Variants in ACER3 observed in about 807,000 individuals in gnomAD.
The protein encoded by ACER3 is alkaline ceramidase 3, also known as alkCDase 3.
ACER3 carries 16 observed loss-of-function variants against 48.9 expected under a neutral mutation model. That is an observed-to-expected ratio of 0.33 (90% CI 0.22 to 0.50). The LOEUF is 0.50. Ranked by LOEUF, ACER3 falls within the 20% of genes least tolerant of loss-of-function variation. ACER3 has a pLI of 0.98. For synonymous variants in ACER3, 109 were observed against 107.8 expected (o/e 1.01, Z -0.07); for missense variants, 227 against 326.0 (o/e 0.70, Z 2.34).
intron 4 of ACER3, among the ~76,000 whole-genome samples, chr11:76,976,727 T>G (rs1176571388): frequency 6.6e-6 from 1 of 152,228 alleles, no homozygotes; most frequent in Non-Finnish European, 1.5e-5. Flanking sequence ...ACACTTCTAG[T>G]TGTATAGTGA....
At chr11:76,995,916 G>A (rs1231199912) in intron 6 of ACER3, among the ~76,000 whole-genome samples, 1 of 152,098 alleles carries the variant, frequency 6.6e-6, no homozygotes, top group Non-Finnish European at 1.5e-5. Context: ...TGTTTCTTCA[G>A]CTGTGATTTT....
rs754819712 is a variant in ACER3, at chr11:76,960,859, TG to T, written c.267+1835del. On this transcript the variant is annotated intron_variant, in intron 3 of 10. Transcript: ENST00000532485. ...GAATAAGAAGGGTGTCCTCCCAAGT[TG>T]GGGGGGTCATTTGACATGCGGTTGG... Among the ~76,000 whole-genome samples the T allele has an allele frequency of 2.6e-5, 4 of 151,822 alleles. No homozygotes were observed. The South Asian group carries it at 6.3e-4, about 24-fold the overall frequency.
At chr11:76,883,479 C>T (rs1259413118) in intron 1 of ACER3, among the ~76,000 whole-genome samples, 1 of 117,496 alleles carries the variant, frequency 8.5e-6, no homozygotes, top group African/African-American at 3.1e-5. Flanking sequence ...CTCACTCTGT[C>T]GCCCAGGCTG....
In ACER3 at chr11:76,926,653, A is replaced by G. The variant is rs1403611865; in HGVS notation, c.200A>G (p.Tyr67Cys). Residue 67 changes from tyrosine to cysteine, a missense_variant, in exon 2 of 11, where the codon TAT becomes TGT. Transcript: ENST00000532485. ...DGLEKRYIAS[Y>C]LALTVVGMGS... ...CTGGAAAAGCGGTACATTGCTTCTT[A>G]TTTAGCACTCACAGGTATGTATAAC... is the stretch of plus-strand genomic sequence containing the variant. 1.9e-6 allele frequency: 3 copies of G among 1,585,072 alleles called. No individual in the cohort carries two copies. Among genetic ancestry groups the G allele is most frequent in the Non-Finnish European group, 2.6e-6 (3 of 1,153,578 alleles).
intron 7 of ACER3, among the ~76,000 whole-genome samples, chr11:77,005,610 T>G (rs1555020727): frequency 6.6e-6 from 1 of 152,068 alleles, no homozygotes; most frequent in African/African-American, 2.4e-5. Context: ...CCTCTCTTCC[T>G]AGCTTCTAGT....
At chr11:76,964,628 G>C (rs1239099964) in intron 3 of ACER3, among the ~76,000 whole-genome samples, 1 of 151,252 alleles carries the variant, frequency 6.6e-6, no homozygotes, top group Admixed American at 6.6e-5. Context: ...CCAGAGGAAT[G>C]ATGAGGCAGC....
chr11:76,930,189 C>G (rs1946956420), intron 2 of ACER3, among the ~76,000 whole-genome samples: 1 of 152,142 alleles, frequency 6.6e-6, no homozygotes, highest in South Asian at 2.1e-4. Context: ...CTGGTTTAGT[C>G]TTGGGAGAGT....
At chr11:77,001,162 C>G (rs1333018478) in intron 7 of ACER3, among the ~76,000 whole-genome samples, 3 of 152,118 alleles carry the variant, frequency 2.0e-5, no homozygotes, top group Non-Finnish European at 4.4e-5. Flanking sequence ...ATGTTCATTG[C>G]TATTATATAG....
chr11:76,982,230 T>G (rs1360189348), intron 4 of ACER3, among the ~76,000 whole-genome samples: 7 of 150,616 alleles, frequency 4.6e-5, no homozygotes, highest in African/African-American at 1.7e-4. Flanking sequence ...TTTTTTTTTT[T>G]TTTTTGAGAC....
At chr11:76,941,033 ACACACACG>A (rs767664010) in intron 2 of ACER3, among the ~76,000 whole-genome samples, 281 of 135,914 alleles carry the variant, frequency 2.1e-3, no homozygotes, top group African/African-American at 6.3e-3. Context: ...ACACACACAC[ACACACACG>A]CACACACACA....
In ACER3 at chr11:76,964,584, T is replaced by C. The variant is rs1948086662; in HGVS notation, c.267+5553T>C. 1.3e-5 allele frequency among the ~76,000 whole-genome samples: 2 copies of C among 151,188 alleles called. 1 individual carries two copies. Among genetic ancestry groups the C allele is most frequent in the African/African-American group, 4.9e-5 (2 of 40,558 alleles). ...CCCCCAGTAGGGGTGGACTGACACC[T>C]CACACGGCTGGGTACTCTTCTGAGA... On this transcript the variant is annotated intron_variant, in intron 3 of 10. Coordinates refer to ENST00000532485, the MANE Select transcript of ACER3 (RefSeq NM_018367.7).
intron 1 of ACER3, among the ~76,000 whole-genome samples, chr11:76,882,035 C>T (rs1285614783): frequency 1.4e-5 from 2 of 140,194 alleles, no homozygotes; most frequent in African/African-American, 2.7e-5. Flanking sequence ...GATGGAGTCT[C>T]GCTCTGTTGT....
intron 2 of ACER3, among the ~76,000 whole-genome samples, chr11:76,949,903 C>T (rs932043684): frequency 6.6e-6 from 1 of 152,112 alleles, no homozygotes; most frequent in Non-Finnish European, 1.5e-5. Flanking sequence ...GTTCGTCTTC[C>T]GTAACTCTCC....
chr11:76,950,147 C>G (rs1947602873), intron 2 of ACER3, among the ~76,000 whole-genome samples: 2 of 151,496 alleles, frequency 1.3e-5, no homozygotes, highest in South Asian at 4.2e-4. Context: ...TTTAGTGCAC[C>G]ATATTGTAAT....
chr11:76,953,454 T>C (rs1017840212), intron 2 of ACER3, among the ~76,000 whole-genome samples: 1 of 151,924 alleles, frequency 6.6e-6, no homozygotes, highest in African/African-American at 2.4e-5. Context: ...AAAAATTAGC[T>C]GGGCATGGTG....
intron 5 of ACER3, among the ~76,000 whole-genome samples, chr11:76,987,935 G>A (rs117466270): frequency 0.012 from 1,767 of 152,256 alleles, 15 homozygotes; most frequent in Non-Finnish European, 0.02. Context: ...GTGAGGCCCT[G>A]TCTCAAAACA....
intron 3 of ACER3, among the ~76,000 whole-genome samples, chr11:76,974,015 T>C (rs1295618746): frequency 2.0e-5 from 3 of 152,232 alleles, no homozygotes; most frequent in Non-Finnish European, 4.4e-5. Context: ...AGCACTCTTA[T>C]TGAAAATCAA....
intron 3 of ACER3, among the ~76,000 whole-genome samples, chr11:76,975,157 G>A (rs936168475): frequency 6.6e-6 from 1 of 152,086 alleles, no homozygotes; most frequent in Non-Finnish European, 1.5e-5. Flanking sequence ...TGGCTTTTGT[G>A]TCTTTTGTTG....
intron 1 of ACER3, among the ~76,000 whole-genome samples, chr11:76,901,834 C>CT (rs945177799): frequency 3.9e-5 from 6 of 152,272 alleles, no homozygotes; most frequent in African/African-American, 1.4e-4. Flanking sequence ...AGGAGTGGAT[C>CT]TTTAACTACC....
Sources: gnomAD v4.1 joint callset for allele counts (sites outside exome capture counted in the v4.1 genomes callset) on GRCh38, gnomAD v4.1.1 for gene constraint, MANE v1.5 for transcripts, NCBI Gene and HGNC (gene_info 2026-07-23, HGNC 2026-07-21) for gene names.